The following ADAM9 variants were observed in gnomAD, a reference collection of about 807,000 sequenced individuals.
ADAM9 encodes the protein disintegrin and metalloproteinase domain-containing protein 9.
In ADAM9, 54 loss-of-function variants were observed where a neutral mutation model predicts 108.1. The ratio of observed to expected loss-of-function variants is 0.50; its 90% CI spans 0.40 to 0.63. ADAM9 has a LOEUF of 0.63. Among genes scored for constraint, ADAM9 ranks in the 20% least tolerant of loss-of-function variants. The pLI, the probability that ADAM9 is intolerant of heterozygous loss-of-function variation, is 0.00. For synonymous variants in ADAM9, 316 were observed against 336.0 expected (o/e 0.94, Z 0.65); for missense variants, 830 against 997.7 (o/e 0.83, Z 2.26).
At chr8:39,026,554 G>T in intron 10 of ADAM9, 123 bp from the exon 11 acceptor site, 1 of 1,227,060 alleles carries the variant, frequency 8.1e-7, no homozygotes, top group South Asian at 1.2e-5. Context: ...TTGGATGCTT[G>T]ATTTATCACG....
intron 2 of ADAM9, among the ~76,000 whole-genome samples, chr8:39,011,164 C>T (rs866483310): frequency 2.6e-5 from 4 of 151,224 alleles, no homozygotes; most frequent in South Asian, 2.1e-4. Flanking sequence ...GATGCATCCT[C>T]ATTTCAAGGA....
chr8:39,095,312 A>G lies in ADAM9; in HGVS notation c.2298+3966A>G, dbSNP rs373448422. Among the ~76,000 whole-genome samples, 3 of 152,158 alleles carry G rather than the reference A, an allele frequency of 2.0e-5. No individual in the cohort carries two copies. The East Asian group carries it at 5.8e-4, about 29-fold the overall frequency. On this transcript the variant is annotated intron_variant, in intron 20 of 21. Transcript: ENST00000487273. ...GTGTTTGGTTGAAAAATATCTGCAT[A>G]TAGATGTACCTGTGCAGTTCAAACC...
intron 12 of ADAM9, among the ~76,000 whole-genome samples, chr8:39,044,898 G>C (rs189765832): frequency 1.3e-4 from 19 of 144,338 alleles, no homozygotes; most frequent in Non-Finnish European, 1.9e-4. Context: ...ATATATGTGT[G>C]TGCACACATA....
In ADAM9 at chr8:38,997,146, G is replaced by A; in HGVS notation, c.83G>A (p.Gly28Asp). ...CTTGGCCTGGTGGGCCCAGTCCTCGGTGCGGCGCGGCCAGGTGGGTGTCCG... is the reference window on the plus strand; with the variant it reads ...CTTGGCCTGGTGGGCCCAGTCCTCGATGCGGCGCGGCCAGGTGGGTGTCCG... The part of the protein sequence containing the change: ...LLLGLVGPVL[G>D]AARPGFQQTS... Residue 28 changes from glycine (G) to aspartate (D), a missense_variant, in exon 1 of 22, where the codon GGT (glycine) becomes GAT (aspartate). Physicochemically the swap from Gly to Asp is moderately conservative, Grantham distance 94 (BLOSUM62 -1). Coordinates refer to ENST00000487273, the MANE Select transcript of ADAM9 (RefSeq NM_003816.3). The A allele has an allele frequency of 6.2e-7, 1 of 1,600,392 alleles. No individual in the cohort carries two copies. Among genetic ancestry groups the A allele is most frequent in the Non-Finnish European group, 8.5e-7 (1 of 1,178,998 alleles).
intron 20 of ADAM9, among the ~76,000 whole-genome samples, chr8:39,093,078 G>A (rs894660356): frequency 1.3e-5 from 2 of 152,130 alleles, no homozygotes; most frequent in East Asian, 1.9e-4. Flanking sequence ...GATTGGTTTA[G>A]TGATTCTGGG....
At chr8:39,018,220 A>G (rs1836609116) in intron 6 of ADAM9, among the ~76,000 whole-genome samples, 1 of 152,188 alleles carries the variant, frequency 6.6e-6, no homozygotes, top group Non-Finnish European at 1.5e-5. Context: ...TAATTAAGTT[A>G]TACTAGTTTA....
intron 18 of ADAM9, 121 bp downstream of exon 18, chr8:39,083,194 TC>T: frequency 1.3e-6 from 1 of 756,446 alleles, no homozygotes; most frequent in Non-Finnish European, 2.3e-6. Flanking sequence ...TGATTCAGCC[TC>T]CTAAATTCCT....
At chr8:39,044,909 C>T (rs1227626985) in intron 12 of ADAM9, among the ~76,000 whole-genome samples, 1 of 140,998 alleles carries the variant, frequency 7.1e-6, no homozygotes, top group African/African-American at 3.0e-5. Flanking sequence ...TGCACACATA[C>T]ATATGTATGT....
chr8:39,030,481 G>C (rs922420069), intron 11 of ADAM9, among the ~76,000 whole-genome samples: 2 of 152,152 alleles, frequency 1.3e-5, no homozygotes, highest in African/African-American at 4.8e-5. Context: ...ATGTACCACA[G>C]TTTAACCATT....
At chr8:39,048,773 T>C (rs1837856595) in intron 12 of ADAM9, among the ~76,000 whole-genome samples, 1 of 152,164 alleles carries the variant, frequency 6.6e-6, no homozygotes, top group African/African-American at 2.4e-5. Flanking sequence ...TGCATATATA[T>C]TTATTATTGT....
chr8:39,051,817 A>G (rs557159108), intron 12 of ADAM9, among the ~76,000 whole-genome samples: 1 of 152,304 alleles, frequency 6.6e-6, no homozygotes, highest in South Asian at 2.1e-4. Flanking sequence ...TTCCAATACA[A>G]GGATTTACTA....
intron 12 of ADAM9, among the ~76,000 whole-genome samples, chr8:39,045,439 CGTGTGTACACACACCTATATGTGCGT>C (rs1420019383): frequency 0.02 from 692 of 34,318 alleles, 33 homozygotes; most frequent in Middle Eastern, 0.062. Context: ...TATATGTGCG[CGTGTGTACACACACCTATATGTGCGT>C]GTGTGTACAC....
At chr8:39,050,393 T>G (rs116641305) in intron 12 of ADAM9, among the ~76,000 whole-genome samples, 52 of 152,232 alleles carry the variant, frequency 3.4e-4, no homozygotes, top group African/African-American at 1.1e-3. Flanking sequence ...TGCCACAGTG[T>G]GTATATTAGT....
At position 39,103,551 on chromosome 8, in the gene ADAM9, T is replaced by C. The variant is rs528912062; in HGVS notation, c.2367-56T>C. The C allele has an allele frequency of 6.7e-6, 10 of 1,495,186 alleles. No individual in the cohort carries two copies. The East Asian group carries it at 1.6e-4, about 24-fold the overall frequency. 92.6% of individuals were successfully genotyped at this position (1,495,186 alleles called of 1,614,324 possible). A position where few individuals can be genotyped will look rare whatever the true frequency, so the allele number is the denominator to read the frequency against. On this transcript the variant is annotated intron_variant, in intron 21 of 21. Coordinates refer to ENST00000487273, the MANE Select transcript of ADAM9 (RefSeq NM_003816.3). ...TGTTATGTTGAGCTTGTAATGAATA[T>C]GGCATTATTTCACCCAGTCTAAACA...
chr8:39,046,841 T>G (rs762659829), intron 12 of ADAM9, among the ~76,000 whole-genome samples: 14 of 152,210 alleles, frequency 9.2e-5, no homozygotes, highest in Non-Finnish European at 1.8e-4. Flanking sequence ...TGAACACAGC[T>G]CACTGCAGCT....
rs571734664 is a variant in ADAM9 at position 39,070,832 on chromosome 8, T to G, written c.1592-466T>G. ...TCTGTCGTCAGTGTTTGTCAATGTA[T>G]TTAATTAGTAGGGACATCTAAACCA... On this transcript the variant is annotated intron_variant, in intron 14 of 21. Coordinates refer to ENST00000487273, the MANE Select transcript of ADAM9 (RefSeq NM_003816.3). Among the ~76,000 whole-genome samples, 5 of 151,698 alleles carry G rather than the reference T, an allele frequency of 3.3e-5. No homozygotes were observed. In the South Asian group the frequency reaches 8.3e-4, roughly 25 times the overall value.
At chr8:39,000,000 T>C (rs1835945352) in intron 1 of ADAM9, among the ~76,000 whole-genome samples, 1 of 152,206 alleles carries the variant, frequency 6.6e-6, no homozygotes, top group African/African-American at 2.4e-5. Context: ...AATGCAGTCC[T>C]TTTGTATCTC....
In ADAM9 at chr8:39,023,178, G is replaced by A. The variant is rs1344174952; in HGVS notation, c.767G>A (p.Arg256Gln). The change falls in exon 9 of 22, where the codon CGA becomes CAA. Residue 256 changes from arginine to glutamine, a missense_variant. Transcript: ENST00000487273. Reference protein sequence around the residue: ...LDSMYIMLNIRIVLVGLEIWT... With the variant: ...LDSMYIMLNIQIVLVGLEIWT... ...CAGATGTATATTATGTTAAATATTC[G>A]AATTGTGCTAGTTGGACTGGAGATT... 4 of 1,611,904 alleles carry A rather than the reference G, an allele frequency of 2.5e-6. No individual in the cohort carries two copies. Among genetic ancestry groups the A allele is most frequent in the African/African-American group, 1.3e-5 (1 of 74,524 alleles).
At chr8:39,096,851 C>T (rs1009231948) in intron 20 of ADAM9, among the ~76,000 whole-genome samples, 3 of 152,098 alleles carry the variant, frequency 2.0e-5, no homozygotes, top group African/African-American at 7.2e-5. Flanking sequence ...TTTATAGTTC[C>T]TGTCTCTTTG....
Sources: allele counts gnomAD v4.1 joint callset (sites outside exome capture counted in the v4.1 genomes callset), GRCh38; gene constraint gnomAD v4.1.1; transcripts MANE v1.5; gene names NCBI Gene and HGNC (gene_info 2026-07-23, HGNC 2026-07-21).